ZNF428: variants seen among roughly 807,000 people sequenced by gnomAD.
The protein encoded by ZNF428 is enzyme-like protein PIT13.
In ZNF428, 5 loss-of-function variants were observed where a neutral mutation model predicts 15.6. The ratio of observed to expected loss-of-function variants is 0.32; its 90% CI spans 0.17 to 0.67. ZNF428 has a LOEUF of 0.67. Among genes scored for constraint, ZNF428 ranks in the 30% least tolerant of loss-of-function variants. The pLI, the probability that ZNF428 is intolerant of heterozygous loss-of-function variation, is 0.73. For synonymous variants in ZNF428, 97 were observed against 102.2 expected, an observed-to-expected ratio of 0.95 and a Z score of 0.31; for missense variants, 237 against 256.0, an observed-to-expected ratio of 0.93 and a Z score of 0.51.
At chr19:43,613,576 C>T (rs970824688) in intron 2 of ZNF428, 1 of 1,551,250 alleles carries the variant, frequency 6.4e-7, no homozygotes, top group Admixed American at 2.0e-5. Flanking sequence ...AAAGAGATCA[C>T]AGCCAACTTG....
chr19:43,609,357 A>G (rs1017525843), intron 2 of ZNF428, among the ~76,000 whole-genome samples: 2 of 138,650 alleles, frequency 1.4e-5, no homozygotes, highest in Non-Finnish European at 3.1e-5. Context: ...ATCTGTGGCC[A>G]TGGAGAGAGA....
Position 43,612,375 on chromosome 19 carries a change from G to A in ZNF428, c.76+1854C>T, listed in dbSNP as rs1418177130. 2.1e-5 allele frequency: 32 copies of A among 1,551,560 alleles called. No individual in the cohort carries two copies. The East Asian group carries it at 4.2e-4, about 20-fold the overall frequency. The stretch of plus-strand genomic sequence containing the variant: ...CGGCCCAGCAGCAGGTCCCGAGTCC[G>A]CAGCAAAGCAAGAACACCCAGCAGG... On this transcript the variant is annotated intron_variant, in intron 2 of 2. Coordinates refer to ENST00000300811, the MANE Select transcript of ZNF428 (RefSeq NM_182498.4). This position sits in a 1 kb window ranked among gnomAD's most constrained non-coding sequence, Gnocchi z 4.2.
At position 43,613,446 on chromosome 19, in the gene ZNF428, G is replaced by A. The variant is rs1029679600; in HGVS notation, c.76+783C>T. 6.5e-6 allele frequency: 10 copies of A among 1,544,848 alleles called. No homozygotes were observed. In the East Asian group the frequency reaches 1.7e-4, roughly 27 times the overall value. ...GCGAGAGATTGCAGCCGATCTAGAA[G>A]TCCCTACAAGGCGAGAGATCGCAGC... is the stretch of plus-strand genomic sequence containing the variant. On this transcript the variant is annotated intron_variant, in intron 2 of 2. Coordinates refer to ENST00000300811, the MANE Select transcript of ZNF428 (RefSeq NM_182498.4).
chr19:43,612,263 A>G lies in ZNF428; in HGVS notation c.76+1966T>C, dbSNP rs998671071. ...ACCCAACAGATCCTTAGTGCCCACC[A>G]AACCAGCGACATCCCGTAACTCAGT... On this transcript the variant is annotated intron_variant, in intron 2 of 2. Coordinates refer to ENST00000300811, the MANE Select transcript of ZNF428 (RefSeq NM_182498.4). The surrounding 1 kb of genome is among the most constrained non-coding windows in gnomAD (Gnocchi z 4.2). The G allele has an allele frequency of 1.9e-6, 3 of 1,551,708 alleles. No individual in the cohort carries two copies. Among genetic ancestry groups the G allele is most frequent in the Non-Finnish European group, 2.6e-6 (3 of 1,147,000 alleles).
In ZNF428 at chr19:43,614,497, C is replaced by T. The variant is rs1360669119; in HGVS notation, c.-130-63G>A. 4.3e-6 allele frequency: 6 copies of T among 1,401,930 alleles called. No individual in the cohort carries two copies. In the Admixed American group the frequency reaches 1.5e-4, roughly 36 times the overall value. The allele number at this position is 1,401,930 out of a possible 1,614,324, so 86.8% of individuals were successfully genotyped here. A position where few individuals can be genotyped will look rare whatever the true frequency, so the allele number is the denominator to read the frequency against. ...TAAATTTTTACATAGCACCCATCCC[C>T]ACCAAGCCCAACTGTGTGCTCACTG... On this transcript the variant is annotated intron_variant, in intron 1 of 2. Transcript: ENST00000300811.
rs1279362252 is a variant in ZNF428 at position 43,612,615 on chromosome 19, A to G, written c.76+1614T>C. 1 of 1,551,542 alleles carries G rather than the reference A, an allele frequency of 6.4e-7. No homozygotes were observed. Among genetic ancestry groups the G allele is most frequent in the East Asian group, 2.4e-5 (1 of 40,916 alleles). On this transcript the variant is annotated intron_variant, in intron 2 of 2. Transcript: ENST00000300811. This position sits in a 1 kb window ranked among gnomAD's most constrained non-coding sequence, Gnocchi z 4.2. ...AGGGTGAGAACTCCCACTTCACAGC[A>G]AAAAGGGAGCCGGGGAAAGAGTTAC...
At chr19:43,616,887 C>T (rs1973376742) in intron 1 of ZNF428, among the ~76,000 whole-genome samples, 1 of 151,008 alleles carries the variant, frequency 6.6e-6, no homozygotes, top group East Asian at 1.9e-4. Context: ...TCTCAGCTCA[C>T]TGCAACCTCT....
intron 2 of ZNF428, among the ~76,000 whole-genome samples, chr19:43,610,523 A>T (rs1314808521): frequency 6.6e-6 from 1 of 151,988 alleles, no homozygotes; most frequent in Non-Finnish European, 1.5e-5. Flanking sequence ...CTTCTGACTC[A>T]CTGCATTCAA....
At position 43,607,396 on chromosome 19, in the gene ZNF428, A is replaced by C. The variant is rs764214599; in HGVS notation, c.*221T>G. 93 of 528,858 alleles carry C rather than the reference A, an allele frequency of 1.8e-4. No individual in the cohort carries two copies. Among genetic ancestry groups the C allele is most frequent in the African/African-American group, 6.4e-4 (28 of 43,654 alleles). The allele number at this position is 528,858 out of a possible 1,614,324, so 32.8% of individuals were successfully genotyped here. A position where few individuals can be genotyped will look rare whatever the true frequency, so the allele number is the denominator to read the frequency against. Reference sequence around the variant, plus strand: ...ATACACACACACACACACACACACAAACACACACACGGGCGGGAATACACA... The same window carrying C: ...ATACACACACACACACACACACACACACACACACACGGGCGGGAATACACA... On this transcript the variant is annotated 3_prime_UTR_variant, in exon 3 of 3. Coordinates refer to ENST00000300811, the MANE Select transcript of ZNF428 (RefSeq NM_182498.4). This position sits in a 1 kb window ranked among gnomAD's most constrained non-coding sequence, Gnocchi z 5.1.
At chr19:43,614,146 C>T (rs1307016964) in intron 2 of ZNF428, 83 bp downstream of exon 2, 1 of 1,613,418 alleles carries the variant, frequency 6.2e-7, no homozygotes, top group Non-Finnish European at 8.5e-7. Flanking sequence ...GCAGCCACTC[C>T]CCATCAACAT....
chr19:43,612,651 G>A lies in ZNF428; in HGVS notation c.76+1578C>T. The A allele has an allele frequency of 3.2e-6, 5 of 1,551,450 alleles. No homozygotes were observed. Among genetic ancestry groups the A allele is most frequent in the Non-Finnish European group, 4.4e-6 (5 of 1,146,966 alleles). ...CGGGGAAAGAGTTACGGCCGGCCTA[G>A]AACCAGCAACAGGGAAAGGAGTGAC... On this transcript the variant is annotated intron_variant, in intron 2 of 2. Transcript: ENST00000300811. The surrounding 1 kb of genome is among the most constrained non-coding windows in gnomAD (Gnocchi z 4.2).
intron 1 of ZNF428, among the ~76,000 whole-genome samples, chr19:43,619,254 G>A (rs1049391677): frequency 6.6e-6 from 1 of 152,290 alleles, no homozygotes; most frequent in South Asian, 2.1e-4. Context: ...CCTCCAGGAC[G>A]GTCAGCGGCA....
At position 43,607,750 on chromosome 19, in the gene ZNF428, C is replaced by T. The variant is rs749195309; in HGVS notation, c.434G>A (p.Arg145Gln). Reference protein sequence around the residue: ...EEEPPRAGEGRPAGREEEEEE... With the variant: ...EEEPPRAGEGQPAGREEEEEE... ...CTCCTCCTCCTCCCGCCCAGCTGGT[C>T]GGCCCTCCCCAGCCCGAGGTGGTTC... The change falls in exon 3 of 3, where the codon CGA becomes CAA. Residue 145 changes from arginine to glutamine, a missense_variant. Physicochemically the swap from Arg to Gln is conservative, Grantham distance 43. Transcript: ENST00000300811. This position sits in a 1 kb window ranked among gnomAD's most constrained non-coding sequence, Gnocchi z 5.1. 17 of 1,611,120 alleles carry T rather than the reference C, an allele frequency of 1.1e-5. No homozygotes were observed. Among genetic ancestry groups the T allele is most frequent in the Non-Finnish European group, 1.2e-5 (14 of 1,178,754 alleles).
intron 2 of ZNF428, chr19:43,613,037 A>C (rs1479192508): frequency 6.4e-7 from 1 of 1,551,670 alleles, no homozygotes; most frequent in Non-Finnish European, 8.7e-7. Context: ...GAGAAGTCAC[A>C]GTTGGAAGAG....
At position 43,612,986 on chromosome 19, in the gene ZNF428, A is replaced by C. The variant is rs1973319920; in HGVS notation, c.76+1243T>G. 1 of 1,551,618 alleles carries C rather than the reference A, an allele frequency of 6.4e-7. No individual in the cohort carries two copies. The highest frequency in any genetic ancestry group is 1.4e-5 in the African/African-American group (1 of 73,058). On this transcript the variant is annotated intron_variant, in intron 2 of 2. Transcript: ENST00000300811. The surrounding 1 kb of genome is among the most constrained non-coding windows in gnomAD (Gnocchi z 4.2). ...TCACAGCCAATCTAGAAGCCCCAGAAGGTCAAGAAGTGGCAGTCAGAAGAG... is the reference window on the plus strand; with the variant it reads ...TCACAGCCAATCTAGAAGCCCCAGACGGTCAAGAAGTGGCAGTCAGAAGAG...
intron 1 of ZNF428, among the ~76,000 whole-genome samples, chr19:43,615,014 C>A (rs1416472342): frequency 6.6e-6 from 1 of 152,054 alleles, no homozygotes; most frequent in Non-Finnish European, 1.5e-5. Context: ...GGTGTGGGCA[C>A]CAATCAGAAC....
At chr19:43,617,603 G>A (rs1407701579) in intron 1 of ZNF428, among the ~76,000 whole-genome samples, 3 of 152,202 alleles carry the variant, frequency 2.0e-5, no homozygotes, top group Non-Finnish European at 4.4e-5. Context: ...ATACCCTATT[G>A]CCTACAGGGC....
At position 43,607,355 on chromosome 19, in the gene ZNF428, A is replaced by T. The variant is rs1011868022; in HGVS notation, c.*262T>A. 2.4e-6 allele frequency: 1 copy of T among 422,834 alleles called. No homozygotes were observed. Among genetic ancestry groups the T allele is most frequent in the Admixed American group, 4.2e-5 (1 of 23,974 alleles). 26.2% of individuals were successfully genotyped at this position (422,834 alleles called of 1,614,324 possible). On this transcript the variant is annotated 3_prime_UTR_variant, in exon 3 of 3. Transcript: ENST00000300811. The surrounding 1 kb of genome is among the most constrained non-coding windows in gnomAD (Gnocchi z 5.1). ...CCAAAAGACCCCAAGGTTCCCCAAG[A>T]AGGAGCCCAGGGGGAATACACACAC...
intron 2 of ZNF428, chr19:43,613,194 A>C (rs187670812): frequency 6.4e-7 from 1 of 1,551,658 alleles, no homozygotes. Flanking sequence ...TGGTCTAGAA[A>C]CCCCAGCAAG....
Sources: gnomAD v4.1 joint callset for allele counts (sites outside exome capture counted in the v4.1 genomes callset) on GRCh38, gnomAD v4.1.1 for gene constraint, Gnocchi (gnomAD v3.1) non-coding constraint, MANE v1.5 for transcripts, NCBI Gene and HGNC (gene_info 2026-07-23, HGNC 2026-07-21) for gene names.